The following MYOZ2 variants were observed in gnomAD, a reference collection of about 807,000 sequenced individuals.
The protein encoded by MYOZ2 is myozenin 2, also known as myozenin-2.
In MYOZ2, 19 loss-of-function variants were observed where a neutral mutation model predicts 25.4. That is an observed-to-expected ratio of 0.75 (90% CI 0.52 to 1.10). MYOZ2 has a LOEUF of 1.10. Ranked by LOEUF, MYOZ2 falls within the 50% of genes least tolerant of loss-of-function variation. The pLI is 0.00. For synonymous variants in MYOZ2, 92 were observed against 106.9 expected, an observed-to-expected ratio of 0.86 and a Z score of 0.86; for missense variants, 270 against 317.9, an observed-to-expected ratio of 0.85 and a Z score of 1.15.
intron 2 of MYOZ2, among the ~76,000 whole-genome samples, chr4:119,136,874 A>G (rs1211909666): frequency 2.0e-5 from 3 of 151,740 alleles, no homozygotes; most frequent in African/African-American, 7.3e-5. Context: ...CTTGCCTTCC[A>G]CATTATAAGT....
intron 4 of MYOZ2, among the ~76,000 whole-genome samples, chr4:119,161,829 T>C (rs1272642282): frequency 6.6e-6 from 1 of 152,182 alleles, no homozygotes; most frequent in African/African-American, 2.4e-5. Context: ...TTACACTAGA[T>C]GTTCTAGTTA....
chr4:119,170,379 T>C (rs1741923801), intron 5 of MYOZ2, among the ~76,000 whole-genome samples: 1 of 152,018 alleles, frequency 6.6e-6, no homozygotes, highest in African/African-American at 2.4e-5. Context: ...AGTCAAAATA[T>C]TGACTACCAC....
intron 2 of MYOZ2, among the ~76,000 whole-genome samples, chr4:119,138,373 A>C (rs1164338785): frequency 6.6e-6 from 1 of 152,136 alleles, no homozygotes. Flanking sequence ...AACCGCTCAA[A>C]TATTTTTCTT....
intron 2 of MYOZ2, among the ~76,000 whole-genome samples, chr4:119,150,073 A>G (rs755004382): frequency 2.6e-5 from 4 of 152,202 alleles, no homozygotes; most frequent in Admixed American, 6.5e-5. Flanking sequence ...TTAAAGAAGC[A>G]AGTGGAAAGA....
chr4:119,155,021 T>C (rs1056459839), intron 3 of MYOZ2, among the ~76,000 whole-genome samples: 2 of 152,048 alleles, frequency 1.3e-5, no homozygotes, highest in Non-Finnish European at 2.9e-5. Flanking sequence ...CACCTGCTTC[T>C]GGTAAGGGCC....
At chr4:119,185,826 A>T in intron 5 of MYOZ2, 140 bp from the exon 6 acceptor site, 1 of 718,478 alleles carries the variant, frequency 1.4e-6, no homozygotes, top group Non-Finnish European at 2.3e-6. Context: ...AATGACAGTC[A>T]TTCATAGAAT....
chr4:119,183,338 C>A (rs1325958103), intron 5 of MYOZ2, among the ~76,000 whole-genome samples: 1 of 150,686 alleles, frequency 6.6e-6, no homozygotes, highest in Non-Finnish European at 1.5e-5. Context: ...GGGAAAGCTT[C>A]AAGAAGAAAG....
intron 2 of MYOZ2, among the ~76,000 whole-genome samples, chr4:119,144,637 A>G (rs768821312): frequency 7.2e-5 from 11 of 152,188 alleles, no homozygotes; most frequent in Non-Finnish European, 1.6e-4. Flanking sequence ...CATTAAAGAC[A>G]TTCTGATAGG....
rs1742310814 is a variant in MYOZ2, at chr4:119,187,128, C to T, written c.*928C>T. On this transcript the variant is annotated 3_prime_UTR_variant, in exon 6 of 6. Coordinates refer to ENST00000307128, the MANE Select transcript of MYOZ2 (RefSeq NM_016599.5). ...ACTGGGGAGTACATGCTTTAGGACA[C>T]AAACAAAAACAAAGGGCATGAAAGT... The T allele has an allele frequency of 6.6e-6, 1 of 151,894 alleles. No homozygotes were observed. Among genetic ancestry groups the T allele is most frequent in the African/African-American group, 2.4e-5 (1 of 41,336 alleles). The allele number at this position is 151,894 out of a possible 1,614,324, so 9.4% of individuals were successfully genotyped here.
chr4:119,155,579 T>A (rs938294678), intron 3 of MYOZ2, among the ~76,000 whole-genome samples: 1 of 152,036 alleles, frequency 6.6e-6, no homozygotes, highest in African/African-American at 2.4e-5. Context: ...TGAAACAGCT[T>A]GTGGGGCTGA....
At chr4:119,174,594 G>T (rs548233451) in intron 5 of MYOZ2, among the ~76,000 whole-genome samples, 1 of 151,940 alleles carries the variant, frequency 6.6e-6, no homozygotes, top group Non-Finnish European at 1.5e-5. Context: ...CTGATGGGGA[G>T]GTGGAGAACC....
rs1054485947 is a variant in MYOZ2, at chr4:119,160,313, T to C, written c.376+2162T>C. Among the ~76,000 whole-genome samples the C allele has an allele frequency of 6.2e-5, 7 of 113,628 alleles. 1 individual carries two copies. In the Middle Eastern group the frequency reaches 0.017, roughly 275 times the overall value. 74.5% of individuals were successfully genotyped at this position (113,628 alleles called of 152,430 possible). On this transcript the variant is annotated intron_variant, in intron 4 of 5. Transcript: ENST00000307128. ...CTGTACTACAATCCCTGCTTACTTT[T>C]TGGAGTTTTTTTTTTTTTATTAAAT... is the stretch of plus-strand genomic sequence containing the variant.
At chr4:119,171,284 T>C (rs1264764340) in intron 5 of MYOZ2, among the ~76,000 whole-genome samples, 1 of 152,106 alleles carries the variant, frequency 6.6e-6, no homozygotes, top group Non-Finnish European at 1.5e-5. Flanking sequence ...GTGAATTTAG[T>C]GAGAGCACAG....
chr4:119,145,610 GCAATACAC>G (rs1201609032), intron 2 of MYOZ2, among the ~76,000 whole-genome samples: 7 of 150,926 alleles, frequency 4.6e-5, no homozygotes, highest in Non-Finnish European at 8.9e-5. Context: ...TTGAGCTCAA[GCAATACAC>G]CTGCCTCAGG....
intron 4 of MYOZ2, 65 bp from the exon 5 acceptor site, chr4:119,164,146 T>A: frequency 7.0e-7 from 1 of 1,435,934 alleles, no homozygotes; most frequent in Non-Finnish European, 9.8e-7. Context: ...CATGGTAAAA[T>A]GTTAGGTGGA....
chr4:119,166,038 CGTGTGTGT>C (rs146485825), intron 5 of MYOZ2, among the ~76,000 whole-genome samples: 1 of 150,228 alleles, frequency 6.7e-6, no homozygotes, highest in East Asian at 1.9e-4. Flanking sequence ...TGTGTGTGTG[CGTGTGTGT>C]GTGTGTGTGA....
chr4:119,165,771 G>A (rs1023611090), intron 5 of MYOZ2, among the ~76,000 whole-genome samples: 1 of 152,158 alleles, frequency 6.6e-6, no homozygotes, highest in Non-Finnish European at 1.5e-5. Context: ...GGAATAACTC[G>A]GATTTGTTTT....
At chr4:119,168,644 A>G (rs554818271) in intron 5 of MYOZ2, among the ~76,000 whole-genome samples, 4 of 152,056 alleles carry the variant, frequency 2.6e-5, no homozygotes, top group African/African-American at 9.7e-5. Flanking sequence ...GAGTGTGGAG[A>G]TGTGACTGAA....
intron 2 of MYOZ2, among the ~76,000 whole-genome samples, chr4:119,141,417 C>G (rs866825372): frequency 6.6e-6 from 1 of 152,096 alleles, no homozygotes; most frequent in East Asian, 1.9e-4. Flanking sequence ...GAGTCTTGCT[C>G]TGTTGCCCAG....
Sources: gnomAD v4.1 joint callset for allele counts (sites outside exome capture counted in the v4.1 genomes callset) on GRCh38, gnomAD v4.1.1 for gene constraint, MANE v1.5 for transcripts, NCBI Gene and HGNC (gene_info 2026-07-23, HGNC 2026-07-21) for gene names.